TAFA2: variants seen among roughly 807,000 people sequenced by gnomAD.
The protein encoded by TAFA2 is TAFA chemokine like family member 2, also known as chemokine-like protein TAFA-2.
In TAFA2, 7 loss-of-function variants were observed where a neutral mutation model predicts 18.8. The observed-to-expected ratio is 0.37, with a 90% CI of 0.21 to 0.70. The LOEUF is 0.70. Among genes scored for constraint, TAFA2 ranks in the 30% least tolerant of loss-of-function variants. The probability of loss-of-function intolerance (pLI) is 0.53; values close to 1 mark genes in which losing one functional copy is unlikely to be tolerated. For missense variants in TAFA2, 122 were observed against 158.1 expected, an observed-to-expected ratio of 0.77 and a Z score of 1.23; for synonymous variants, 60 against 54.2, an observed-to-expected ratio of 1.11 and a Z score of -0.47.
At chr12:61,711,677 C>T (rs544280979) in intron 4 of TAFA2, among the ~76,000 whole-genome samples, 2 of 150,782 alleles carry the variant, frequency 1.3e-5, no homozygotes, top group African/African-American at 4.9e-5. Context: ...GTACAAAAGG[C>T]AAAAAAGTGT....
At chr12:62,105,233 T>C (rs1869395495) in intron 1 of TAFA2, among the ~76,000 whole-genome samples, 1 of 152,104 alleles carries the variant, frequency 6.6e-6, no homozygotes, top group African/African-American at 2.4e-5. Context: ...AAAATGAAAA[T>C]GGTTTCTAAA....
intron 1 of TAFA2, among the ~76,000 whole-genome samples, chr12:62,038,087 C>T (rs2136755384): frequency 6.6e-6 from 1 of 152,164 alleles, no homozygotes; most frequent in South Asian, 2.1e-4. Context: ...ACAGTGGTTA[C>T]CAGCGGCAGG....
chr12:62,221,266 T>TAAGTAAG (rs1488326253), intron 1 of TAFA2, among the ~76,000 whole-genome samples: 1 of 77,212 alleles, frequency 1.3e-5, no homozygotes, highest in Non-Finnish European at 2.6e-5. Context: ...AGGAAGGAAG[T>TAAGTAAG]TTGAAAGAAA....
At chr12:62,034,035 T>C (rs1171978815) in intron 1 of TAFA2, among the ~76,000 whole-genome samples, 1 of 152,152 alleles carries the variant, frequency 6.6e-6, no homozygotes, top group Non-Finnish European at 1.5e-5. Context: ...AACTGAATAA[T>C]ATGCACAAGA....
chr12:62,138,371 G>A lies in TAFA2; in HGVS notation c.-2+52888C>T, dbSNP rs552689160. 7.2e-5 allele frequency among the ~76,000 whole-genome samples: 11 copies of A among 152,204 alleles called. No homozygotes were observed. In the South Asian group the frequency reaches 2.3e-3, roughly 32 times the overall value. On this transcript the variant is annotated intron_variant, in intron 1 of 4. Coordinates refer to ENST00000416284, the MANE Select transcript of TAFA2 (RefSeq NM_178539.5). ...CCCTTCTTTATTTTTTCCATGGTATGTATTATCATTTGATATACCTTTAAT... is the reference window on the plus strand; with the variant it reads ...CCCTTCTTTATTTTTTCCATGGTATATATTATCATTTGATATACCTTTAAT...
intron 1 of TAFA2, chr12:61,879,701 C>A: frequency 8.9e-7 from 1 of 1,122,608 alleles, no homozygotes; most frequent in East Asian, 2.3e-5. Context: ...GAGCCTCCTG[C>A]AGCAGCAGAA....
chr12:62,105,790 C>G (rs989586736), intron 1 of TAFA2, among the ~76,000 whole-genome samples: 2 of 152,092 alleles, frequency 1.3e-5, no homozygotes, highest in Non-Finnish European at 2.9e-5. Flanking sequence ...AATCAATAGC[C>G]AAATAAAACA....
chr12:62,192,939 T>C (rs1205853578), upstream of TAFA2: 2 of 152,174 alleles, frequency 1.3e-5, no homozygotes, highest in South Asian at 2.1e-4. Flanking sequence ...GAAAAAAATA[T>C]CTGGTTTCAG....
At chr12:61,967,720 G>A (rs1175272038) in intron 1 of TAFA2, among the ~76,000 whole-genome samples, 1 of 151,764 alleles carries the variant, frequency 6.6e-6, no homozygotes, top group Non-Finnish European at 1.5e-5. Context: ...TCAACCTAGT[G>A]GCAGGAGGAC....
At chr12:62,015,393 C>T (rs1216869079) in intron 1 of TAFA2, among the ~76,000 whole-genome samples, 1 of 152,052 alleles carries the variant, frequency 6.6e-6, no homozygotes, top group African/African-American at 2.4e-5. Flanking sequence ...TTTATATCAC[C>T]ACACTCATTT....
chr12:62,145,372 G>C (rs184655403), intron 1 of TAFA2, among the ~76,000 whole-genome samples: 8 of 152,302 alleles, frequency 5.3e-5, no homozygotes, highest in Admixed American at 4.6e-4. Flanking sequence ...AAGGAATCCG[G>C]GATGCGTGCT....
chr12:61,718,298 T>C (rs1360903016), intron 4 of TAFA2, among the ~76,000 whole-genome samples: 7 of 152,232 alleles, frequency 4.6e-5, no homozygotes, highest in African/African-American at 1.7e-4. Context: ...TTATGCACAT[T>C]CATCCACTCA....
At chr12:62,053,390 T>C (rs1232790574) in intron 1 of TAFA2, among the ~76,000 whole-genome samples, 1 of 152,118 alleles carries the variant, frequency 6.6e-6, no homozygotes, top group Middle Eastern at 3.2e-3. Flanking sequence ...AGAGCACCTT[T>C]ATGCATATAA....
At chr12:62,247,952 C>A (rs1462567033) in intron 1 of TAFA2, among the ~76,000 whole-genome samples, 1 of 152,096 alleles carries the variant, frequency 6.6e-6, no homozygotes, top group African/African-American at 2.4e-5. Flanking sequence ...GTTTCTTTTT[C>A]TTTTCTTGGC....
At chr12:61,769,058 G>A (rs1228627246) in intron 2 of TAFA2, among the ~76,000 whole-genome samples, 1 of 151,908 alleles carries the variant, frequency 6.6e-6, no homozygotes, top group East Asian at 2.0e-4. Flanking sequence ...GCTGAGGCCT[G>A]TCACTGCCAG....
chr12:62,158,403 GTCTAA>G (rs1013784226), intron 1 of TAFA2, among the ~76,000 whole-genome samples: 1 of 152,162 alleles, frequency 6.6e-6, no homozygotes, highest in African/African-American at 2.4e-5. Context: ...AAGGGAGAGA[GTCTAA>G]ATACCTAAAG....
At chr12:62,169,128 G>A (rs1339125778) in intron 1 of TAFA2, among the ~76,000 whole-genome samples, 1 of 152,152 alleles carries the variant, frequency 6.6e-6, no homozygotes, top group Admixed American at 6.5e-5. Flanking sequence ...ATCTTTTAGA[G>A]AGATACTGAA....
intron 1 of TAFA2, among the ~76,000 whole-genome samples, chr12:61,960,789 ATCT>A (rs1486645512): frequency 6.6e-6 from 1 of 151,434 alleles, no homozygotes; most frequent in East Asian, 1.9e-4. Context: ...AAAAAAAAAA[ATCT>A]TCTTTTCTCA....
chr12:61,876,069 T>C (rs1191203383), intron 1 of TAFA2, among the ~76,000 whole-genome samples: 1 of 152,210 alleles, frequency 6.6e-6, no homozygotes, highest in Admixed American at 6.5e-5. Context: ...TAATTCTGTA[T>C]ATAATATTCA....
Sources: allele counts gnomAD v4.1 joint callset (sites outside exome capture counted in the v4.1 genomes callset), GRCh38; gene constraint gnomAD v4.1.1; transcripts MANE v1.5; gene names NCBI Gene and HGNC (gene_info 2026-07-23, HGNC 2026-07-21).